Variants in COBL observed in about 807,000 individuals in gnomAD.
The protein encoded by COBL is cordon-bleu WH2 repeat protein, also known as protein cordon-bleu.
In COBL, 51 loss-of-function variants were observed where a neutral mutation model predicts 98.8. The observed-to-expected ratio is 0.52, with a 90% CI of 0.41 to 0.65. The LOEUF (loss-of-function observed/expected upper bound fraction) is 0.65. COBL is among the 30% of genes least tolerant of loss of function. The pLI is 0.00. For missense variants in COBL, 1,617 were observed against 1,617.5 expected, an observed-to-expected ratio of 1.00 and a Z score of 0.01; for synonymous variants, 634 against 651.7, an observed-to-expected ratio of 0.97 and a Z score of 0.41.
intron 7 of COBL, chr7:51,083,001 G>A (rs1562886406): frequency 9.5e-6 from 14 of 1,471,288 alleles, no homozygotes; most frequent in South Asian, 8.5e-5. Context: ...CCCTGACATC[G>A]CAGTGCTCAG....
chr7:51,270,587 T>C (rs970776438), intron 1 of COBL, among the ~76,000 whole-genome samples: 4 of 152,220 alleles, frequency 2.6e-5, no homozygotes, highest in African/African-American at 9.6e-5. Flanking sequence ...CAAATATTCC[T>C]GGGAGAGACA....
chr7:51,218,458 A>C (rs1236807746), intron 2 of COBL, among the ~76,000 whole-genome samples: 7 of 152,240 alleles, frequency 4.6e-5, no homozygotes, highest in Non-Finnish European at 8.8e-5. Context: ...CTGCTTCATA[A>C]GAATAAAACA....
intron 2 of COBL, among the ~76,000 whole-genome samples, chr7:51,217,777 G>A (rs1011379720): frequency 2.6e-5 from 4 of 152,056 alleles, no homozygotes; most frequent in Admixed American, 1.3e-4. Context: ...ATAATAATGC[G>A]ACTAATTTCT....
chr7:51,124,137 C>G (rs992795055), intron 6 of COBL, among the ~76,000 whole-genome samples: 2 of 152,116 alleles, frequency 1.3e-5, no homozygotes, highest in African/African-American at 4.8e-5. Flanking sequence ...TAGCAGAGTG[C>G]CTGGGATGCA....
intron 7 of COBL, among the ~76,000 whole-genome samples, chr7:51,073,715 C>T (rs141826901): frequency 2.9e-4 from 44 of 152,154 alleles, no homozygotes; most frequent in African/African-American, 9.6e-4. Context: ...AGCCGAGACA[C>T]GAAGCAGCTG....
At chr7:51,249,393 G>A (rs1412598305) in intron 1 of COBL, among the ~76,000 whole-genome samples, 7 of 152,212 alleles carry the variant, frequency 4.6e-5, no homozygotes, top group Non-Finnish European at 8.8e-5. Flanking sequence ...CTGGAAAGGT[G>A]AGCGTGAAAC....
intron 2 of COBL, among the ~76,000 whole-genome samples, chr7:51,219,535 T>C (rs1158211873): frequency 6.6e-6 from 1 of 152,182 alleles, no homozygotes; most frequent in African/African-American, 2.4e-5. Context: ...CCATCATGGC[T>C]GGATCAATTA....
chr7:51,206,564 C>T (rs80346042), intron 2 of COBL, among the ~76,000 whole-genome samples: 4,669 of 151,698 alleles, frequency 0.031, 206 homozygotes, highest in South Asian at 0.15. Context: ...TCTATTGCAG[C>T]GCTATTCGCA....
chr7:51,053,749 G>A (rs962106544), intron 7 of COBL, among the ~76,000 whole-genome samples: 3 of 152,162 alleles, frequency 2.0e-5, no homozygotes, highest in East Asian at 3.9e-4. Flanking sequence ...GGCCGGGCCC[G>A]GCCAATCTTA....
intron 1 of COBL, among the ~76,000 whole-genome samples, chr7:51,233,363 AT>A (rs1222847346): frequency 1.3e-5 from 2 of 152,150 alleles, no homozygotes; most frequent in Non-Finnish European, 2.9e-5. Context: ...GCAAGAACAT[AT>A]TAAGGATGGT....
At chr7:51,302,565 G>A (rs917077217) in intron 1 of COBL, among the ~76,000 whole-genome samples, 2 of 138,878 alleles carry the variant, frequency 1.4e-5, no homozygotes, top group African/African-American at 5.5e-5. Flanking sequence ...TGGGCAACAA[G>A]AGCGAAACTC....
chr7:51,267,945 T>A (rs1158805607), intron 1 of COBL, among the ~76,000 whole-genome samples: 1 of 152,200 alleles, frequency 6.6e-6, no homozygotes, highest in Admixed American at 6.5e-5. Context: ...TTATCCCAAA[T>A]GGATCACGAA....
intron 6 of COBL, among the ~76,000 whole-genome samples, chr7:51,093,020 C>T (rs1477886661): frequency 6.6e-6 from 1 of 152,016 alleles, no homozygotes; most frequent in Non-Finnish European, 1.5e-5. Context: ...TACAAAAATT[C>T]ATAAATAGGA....
At chr7:51,139,373 AC>A (rs1799529473) in intron 5 of COBL, among the ~76,000 whole-genome samples, 1 of 152,152 alleles carries the variant, frequency 6.6e-6, no homozygotes, top group African/African-American at 2.4e-5. Flanking sequence ...GCGGAAGTGC[AC>A]CCCATCCCAG....
At chr7:51,266,566 G>A (rs565216282) in intron 1 of COBL, among the ~76,000 whole-genome samples, 61 of 152,238 alleles carry the variant, frequency 4.0e-4, no homozygotes, top group African/African-American at 1.4e-3. Flanking sequence ...CAACAAGAGC[G>A]AGACTCCATC....
chr7:51,083,329 CAACACCAGATCCAGCCACACCT>C, intron 7 of COBL: 1 of 821,330 alleles, frequency 1.2e-6, no homozygotes, highest in Non-Finnish European at 1.8e-6. Context: ...CAGCCACACT[CAACACCAGATCCAGCCACACCT>C]AACACCAGAT....
chr7:51,247,980 C>G (rs1164142731), intron 1 of COBL, among the ~76,000 whole-genome samples: 3 of 152,006 alleles, frequency 2.0e-5, no homozygotes, highest in Non-Finnish European at 4.4e-5. Context: ...CTCTACTAAA[C>G]ATACAAAAGT....
chr7:51,260,017 C>T (rs979802454), intron 1 of COBL: 11 of 771,290 alleles, frequency 1.4e-5, no homozygotes, highest in Middle Eastern at 5.8e-4. Flanking sequence ...TGATTCCAGT[C>T]GTTTAACTTG....
At position 51,308,170 on chromosome 7, in the gene COBL, T is replaced by C. The variant is rs115744190; in HGVS notation, c.41+8423A>G. Among the ~76,000 whole-genome samples the C allele has an allele frequency of 1.1e-3, 173 of 152,354 alleles. 1 individual carries two copies. The highest frequency in any genetic ancestry group is 3.9e-3 in the African/African-American group (164 of 41,582). On this transcript the variant is annotated intron_variant, in intron 1 of 12. Transcript: ENST00000265136. ...GCCTAACAGTTTGTGCATTGAACAC[T>C]AGTGGATTTTGCACTTAATTAAGAG...
Sources: allele counts gnomAD v4.1 joint callset (sites outside exome capture counted in the v4.1 genomes callset), GRCh38; gene constraint gnomAD v4.1.1; transcripts MANE v1.5; gene names NCBI Gene and HGNC (gene_info 2026-07-23, HGNC 2026-07-21).